GON4L: variants seen among roughly 807,000 people sequenced by gnomAD.
GON4L encodes the protein gon-4 like, also known as GON-4-like protein.
A neutral mutation model predicts 211.8 loss-of-function variants in GON4L; 87 were observed. That is an observed-to-expected ratio of 0.41 (90% CI 0.35 to 0.49). The LOEUF is 0.49. Among genes scored for constraint, GON4L ranks in the 20% least tolerant of loss-of-function variants. The pLI, the probability that GON4L is intolerant of heterozygous loss-of-function variation, is 0.15. For missense variants in GON4L, 2,155 were observed against 2,659.5 expected (o/e 0.81, Z 4.17); for synonymous variants, 875 against 962.6 (o/e 0.91, Z 1.68).
chr1:155,753,511 T>C, intron 28 of GON4L, 97 bp from the exon 29 acceptor site: 1 of 821,980 alleles, frequency 1.2e-6, no homozygotes, highest in Non-Finnish European at 2.0e-6. Flanking sequence ...GCTCATCAAG[T>C]CAACCCACAT....
intron 1 of GON4L, among the ~76,000 whole-genome samples, chr1:155,854,475 C>A (rs921576911): frequency 1.3e-5 from 2 of 152,028 alleles, no homozygotes; most frequent in African/African-American, 4.8e-5. Flanking sequence ...TTATTACCAT[C>A]AGGGTGGTAG....
chr1:155,859,109 A>T (rs1204634804), upstream of GON4L, among the ~76,000 whole-genome samples: 2 of 152,188 alleles, frequency 1.3e-5, no homozygotes, highest in African/African-American at 4.8e-5. Flanking sequence ...ATAAGCCAAA[A>T]AAAAAAGTTC....
At chr1:155,757,830 G>GACAAGGGAA in intron 25 of GON4L, 61 bp downstream of exon 25, 1 of 183,216 alleles carries the variant, frequency 5.5e-6, no homozygotes, top group Non-Finnish European at 9.5e-6. Flanking sequence ...TGGGGAAAGA[G>GACAAGGGAA]ACAAGGGAAA....
In GON4L at chr1:155,813,697, C is replaced by A; in HGVS notation, c.1389G>T (p.Met463Ile). 1 of 1,613,742 alleles carries A rather than the reference C, an allele frequency of 6.2e-7. No homozygotes were observed. Among genetic ancestry groups the A allele is most frequent in the Non-Finnish European group, 8.5e-7 (1 of 1,179,688 alleles). Residue 463 changes from methionine (M) to isoleucine (I), a missense_variant, in exon 10 of 32, where the codon ATG becomes ATT. Met to Ile is a conservative substitution (Grantham distance 10, BLOSUM62 1). Coordinates refer to ENST00000368331, the MANE Select transcript of GON4L (RefSeq NM_001282860.2). ...KPKQTRDSTF[M>I]EKLHAVDEEL... is the part of the protein sequence containing the mutation. Reference sequence around the variant, plus strand: ...CCTCATCTACCGCATGTAACTTCTCCATGAAAGTACTATCTCTGGTCTGTT... The same window carrying A: ...CCTCATCTACCGCATGTAACTTCTCAATGAAAGTACTATCTCTGGTCTGTT...
intron 14 of GON4L, 100 bp downstream of exon 14, chr1:155,783,886 G>T: frequency 5.2e-6 from 8 of 1,553,380 alleles, no homozygotes; most frequent in Non-Finnish European, 7.0e-6. Flanking sequence ...AGTAACAGAA[G>T]CTGGTTTGGG....
chr1:155,791,176 C>T (rs898249286), intron 12 of GON4L, among the ~76,000 whole-genome samples: 32 of 152,038 alleles, frequency 2.1e-4, no homozygotes, highest in African/African-American at 5.3e-4. Context: ...GCAGGAGAAC[C>T]GCTTGAACCT....
intron 27 of GON4L, 51 bp downstream of exon 27, chr1:155,756,907 T>G: frequency 7.1e-7 from 1 of 1,416,384 alleles, no homozygotes; most frequent in Non-Finnish European, 1.0e-6. Flanking sequence ...CTAGTTTGGG[T>G]GACAGAGCGA....
At chr1:155,856,952 G>A (rs1307232882) in intron 1 of GON4L, among the ~76,000 whole-genome samples, 195 bp downstream of exon 1, 2 of 152,022 alleles carry the variant, frequency 1.3e-5, no homozygotes, top group East Asian at 3.9e-4. Context: ...TTTCAAAAGG[G>A]GTCCTAACCG....
In GON4L at chr1:155,800,133, A is replaced by T. The variant is rs536115637; in HGVS notation, c.1645+4816T>A. Among the ~76,000 whole-genome samples the T allele has an allele frequency of 1.3e-3, 192 of 152,142 alleles. 1 individual carries two copies. Among genetic ancestry groups the T allele is most frequent in the African/African-American group, 4.5e-3 (185 of 41,498 alleles). ...AAAATCGCTTGAACCTGGGAGGCAG[A>T]GGTTGCGGTGAGCTGAGATCGTGCC... On this transcript the variant is annotated intron_variant, in intron 11 of 31. Coordinates refer to ENST00000368331, the MANE Select transcript of GON4L (RefSeq NM_001282860.2).
intron 11 of GON4L, among the ~76,000 whole-genome samples, chr1:155,799,629 A>G (rs1354866319): frequency 1.3e-5 from 2 of 152,200 alleles, no homozygotes; most frequent in African/African-American, 2.4e-5. Flanking sequence ...TCAGTAGGTA[A>G]GGGGTGAAGC....
intron 6 of GON4L, among the ~76,000 whole-genome samples, 163 bp downstream of exon 6, chr1:155,820,443 C>T (rs1187340263): frequency 6.6e-6 from 1 of 152,110 alleles, no homozygotes; most frequent in African/African-American, 2.4e-5. Context: ...CTATGATTAT[C>T]ATAGCTTATG....
chr1:155,835,277 GTTAAGTCATCA>G lies in GON4L; in HGVS notation c.506-8260_506-8250del, dbSNP rs928052458. ...ACAGATGCTTGAAGGCAGCATGCTC[GTTAAGTCATCA>G]CCACTCCCTAATCTCAAGGACCCAG... On this transcript the variant is annotated intron_variant, in intron 2 of 31. Transcript: ENST00000368331. Among the ~76,000 whole-genome samples the G allele has an allele frequency of 6.2e-4, 94 of 152,190 alleles. 1 individual carries two copies. The highest frequency in any genetic ancestry group is 2.0e-3 in the Admixed American group (31 of 15,258).
intron 11 of GON4L, among the ~76,000 whole-genome samples, chr1:155,800,720 C>T (rs751138784): frequency 9.9e-5 from 15 of 151,708 alleles, no homozygotes; most frequent in Non-Finnish European, 2.1e-4. Flanking sequence ...GGCATGGTAG[C>T]GCGTACCTGT....
intron 10 of GON4L, among the ~76,000 whole-genome samples, chr1:155,812,616 C>T (rs1010889897): frequency 4.0e-5 from 6 of 150,436 alleles, no homozygotes; most frequent in Admixed American, 6.6e-5. Context: ...AGTGCAGTGG[C>T]GCAATCTCAG....
At chr1:155,804,140 T>C (rs1038431334) in intron 11 of GON4L, among the ~76,000 whole-genome samples, 2 of 151,196 alleles carry the variant, frequency 1.3e-5, no homozygotes, top group South Asian at 2.1e-4. Context: ...CCTAGCTCTC[T>C]GGGAGGCCAA....
intron 17 of GON4L, 122 bp downstream of exon 17, chr1:155,774,880 A>G: frequency 1.9e-6 from 2 of 1,056,420 alleles, no homozygotes; most frequent in South Asian, 1.4e-5. Context: ...GAGAGAAGGA[A>G]GAAATTACAA....
At chr1:155,777,368 C>T (rs1663924188) in intron 15 of GON4L, among the ~76,000 whole-genome samples, 1 of 152,180 alleles carries the variant, frequency 6.6e-6, no homozygotes. Flanking sequence ...ATCACAAGGT[C>T]AGGAGTTCGA....
downstream of GON4L, chr1:155,745,708 G>A (rs960348362): frequency 1.2e-6 from 1 of 819,572 alleles, no homozygotes; most frequent in African/African-American, 1.7e-5. Context: ...CAATGGGAAA[G>A]GATGTGTTTG....
intron 14 of GON4L, among the ~76,000 whole-genome samples, chr1:155,782,894 G>A (rs1480372599): frequency 6.6e-6 from 1 of 152,000 alleles, no homozygotes; most frequent in Non-Finnish European, 1.5e-5. Context: ...CCTAACCTGA[G>A]GTGATCCCCC....
Sources: gnomAD v4.1 joint callset for allele counts (sites outside exome capture counted in the v4.1 genomes callset) on GRCh38, gnomAD v4.1.1 for gene constraint, MANE v1.5 for transcripts, NCBI Gene and HGNC (gene_info 2026-07-23, HGNC 2026-07-21) for gene names.